DMRT2: variants seen among roughly 807,000 people sequenced by gnomAD.
The protein encoded by DMRT2 is doublesex and mab-3 related transcription factor 2.
Under a neutral mutation model 43.5 loss-of-function variants are expected in DMRT2, and 33 were observed. The ratio of observed to expected loss-of-function variants is 0.76; its 90% CI spans 0.58 to 1.01. The LOEUF (loss-of-function observed/expected upper bound fraction) is 1.01. DMRT2 is among the 50% of genes least tolerant of loss of function. DMRT2 has a pLI of 0.00. For missense variants in DMRT2, 1,064 were observed against 748.0 expected, an observed-to-expected ratio of 1.42 and a Z score of -4.93; for synonymous variants, 395 against 309.2, an observed-to-expected ratio of 1.28 and a Z score of -2.91.
intron 3 of DMRT2, among the ~76,000 whole-genome samples, chr9:1,054,889 A>G (rs1319508148): frequency 6.6e-6 from 1 of 151,944 alleles, no homozygotes; most frequent in African/African-American, 2.4e-5. Context: ...TCCTATAAAA[A>G]TTTTTAAGTA....
At chr9:1,053,867 A>G (rs769556450) in intron 3 of DMRT2, 43 bp downstream of exon 3, 1 of 1,487,882 alleles carries the variant, frequency 6.7e-7, no homozygotes, top group Non-Finnish European at 9.4e-7. Flanking sequence ...AACAGAGTTG[A>G]GTGACTCTCA....
rs376262081 is a variant in DMRT2 at position 1,056,579 on chromosome 9, C to G, written c.992C>G (p.Thr331Ser). The change falls in exon 4 of 4, where the codon ACT becomes AGT. Residue 331 changes from threonine (T) to serine (S), a missense_variant. By Grantham distance (58) the Thr-to-Ser change is moderately conservative. Transcript: ENST00000358146. ...LISSNVSVAT[T>S]YRQYPLSSRF... ...TCTTCTAATGTCAGCGTGGCCACAACTTATAGACAGTATCCCTTGTCCTCA... is the reference window on the plus strand; with the variant it reads ...TCTTCTAATGTCAGCGTGGCCACAAGTTATAGACAGTATCCCTTGTCCTCA... 1 of 1,614,090 alleles carries G rather than the reference C, an allele frequency of 6.2e-7. No homozygotes were observed. Among genetic ancestry groups the G allele is most frequent in the Non-Finnish European group, 8.5e-7 (1 of 1,180,052 alleles).
intron 3 of DMRT2, among the ~76,000 whole-genome samples, chr9:1,055,081 T>C (rs748699848): frequency 1.3e-5 from 2 of 152,166 alleles, no homozygotes; most frequent in Admixed American, 6.5e-5. Context: ...TAGGGCCACA[T>C]TGATAAACTG....
chr9:1,051,955 G>A lies in DMRT2; in HGVS notation c.342G>A (p.Pro114=). 3 of 1,393,934 alleles carry A rather than the reference G, an allele frequency of 2.2e-6. No individual in the cohort carries two copies. Among genetic ancestry groups the A allele is most frequent in the Non-Finnish European group, 2.8e-6 (3 of 1,080,706 alleles). The allele number at this position is 1,393,934 out of a possible 1,614,324, so 86.3% of individuals were successfully genotyped here. A position where few individuals can be genotyped will look rare whatever the true frequency, so the allele number is the denominator to read the frequency against. ...RCTPAGGGAE[P]RKLSRTPKCA... ...CTCCCGCGGGCGGCGGCGCGGAGCCGCGCAAGCTGAGCCGCACGCCCAAGT... is the reference window on the plus strand; with the variant it reads ...CTCCCGCGGGCGGCGGCGCGGAGCCACGCAAGCTGAGCCGCACGCCCAAGT... The change falls in exon 2 of 4, where the codon CCG becomes CCA. Residue 114 remains proline (P), a synonymous_variant. Coordinates refer to ENST00000358146, the MANE Select transcript of DMRT2 (RefSeq NM_181872.6). The surrounding 1 kb of genome is among the most constrained non-coding windows in gnomAD (Gnocchi z 5.9).
chr9:1,053,757 C>T lies in DMRT2; in HGVS notation c.561C>T (p.Phe187=). ...KKGLSGKQNN[F]ERKAVYQRQV... is the part of the protein sequence containing the mutation. ...GGCTTTCCGGGAAACAGAATAATTT[C>T]GAGCGCAAAGCTGTGTACCAGAGGC... Residue 187 remains phenylalanine, a synonymous_variant, in exon 3 of 4, where the codon TTC becomes TTT. Coordinates refer to ENST00000358146, the MANE Select transcript of DMRT2 (RefSeq NM_181872.6). 26 of 1,613,974 alleles carry T rather than the reference C, an allele frequency of 1.6e-5. No individual in the cohort carries two copies. The highest frequency in any genetic ancestry group is 2.1e-5 in the Non-Finnish European group (25 of 1,179,936).
rs181946776 is a variant in DMRT2, at chr9:1,050,530, C to G, written c.-290C>G. ...AGACCGAGCAGAACTTTGCAGAGTT[C>G]GGGATGTGCTGGGCTAGGTCGCTGA... On this transcript the variant is annotated 5_prime_UTR_variant, in exon 1 of 4. Transcript: ENST00000358146. 127 of 152,610 alleles carry G rather than the reference C, an allele frequency of 8.3e-4. No homozygotes were observed. In the Middle Eastern group the frequency reaches 0.017, roughly 20 times the overall value. The allele number at this position is 152,610 out of a possible 1,614,324, so 9.5% of individuals were successfully genotyped here.
rs777304682 is a variant in DMRT2 at position 1,057,322 on chromosome 9, T to C, written c.*49T>C. ...GATTTTCTGCAGTCTTAGAGCATTA[T>C]AGCCATTTGCTACTTTTTTTAAAAG... On this transcript the variant is annotated 3_prime_UTR_variant, in exon 4 of 4. Coordinates refer to ENST00000358146, the MANE Select transcript of DMRT2 (RefSeq NM_181872.6). The C allele has an allele frequency of 2.4e-5, 36 of 1,510,402 alleles. No individual in the cohort carries two copies. The highest frequency in any genetic ancestry group is 2.8e-5 in the Non-Finnish European group (32 of 1,130,810). The allele number at this position is 1,510,402 out of a possible 1,614,324, so 93.6% of individuals were successfully genotyped here.
intron 2 of DMRT2, chr9:1,052,949 GAC>G (rs1243502434): frequency 6.6e-6 from 1 of 152,344 alleles, no homozygotes; most frequent in Admixed American, 6.5e-5. Context: ...TGGATCGCCA[GAC>G]ACACTGAAGG....
rs375071878 is a variant in DMRT2, at chr9:1,056,701, C to T, written c.1114C>T (p.Pro372Ser). 5.0e-6 allele frequency: 8 copies of T among 1,614,026 alleles called. No homozygotes were observed. Among genetic ancestry groups the T allele is most frequent in the African/African-American group, 1.3e-5 (1 of 74,914 alleles). ...NATTSVQALK[P>S]GASWDLKGAR... The stretch of plus-strand genomic sequence containing the variant: ...CACCACCTCAGTTCAAGCCCTGAAG[C>T]CTGGGGCCAGCTGGGACTTGAAGGG... The change falls in exon 4 of 4, where the codon CCT becomes TCT. Residue 372 changes from proline (P) to serine (S), a missense_variant. Coordinates refer to ENST00000358146, the MANE Select transcript of DMRT2 (RefSeq NM_181872.6).
Position 1,056,731 on chromosome 9 carries a change from C to G in DMRT2, c.1144C>G (p.Arg382Gly), listed in dbSNP as rs760681935. Residue 382 changes from arginine (R) to glycine (G), a missense_variant, in exon 4 of 4, where the codon CGA (arginine) becomes GGA (glycine). By Grantham distance (125) the Arg-to-Gly change is moderately radical (BLOSUM62 -2). Transcript: ENST00000358146. ...GGCCAGCTGGGACTTGAAGGGAGCA[C>G]GAGTCCAGGATGGACTCAGTGCAGA... ...PGASWDLKGARVQDGLSAEQD... is the reference protein window; with the variant it reads ...PGASWDLKGAGVQDGLSAEQD... The G allele has an allele frequency of 6.2e-7, 1 of 1,614,084 alleles. No homozygotes were observed. The highest frequency in any genetic ancestry group is 1.3e-5 in the African/African-American group (1 of 75,022).
At position 1,056,286 on chromosome 9, in the gene DMRT2, G is replaced by A; in HGVS notation, c.699G>A (p.Arg233=). Residue 233 remains arginine, a synonymous_variant, in exon 4 of 4, where the codon AGG becomes AGA. Transcript: ENST00000358146. Reference sequence around the variant, plus strand: ...CTCTACCTCCCCCAGTTAGTGACAGGATGAGGAAAAGAAGAGCCTTTGCTG... The same window carrying A: ...CTCTACCTCCCCCAGTTAGTGACAGAATGAGGAAAAGAAGAGCCTTTGCTG... ...TFPLPPPVSD[R]MRKRRAFADK... 2 of 1,614,212 alleles carry A rather than the reference G, an allele frequency of 1.2e-6. No homozygotes were observed.
At position 1,057,353 on chromosome 9, in the gene DMRT2, A is replaced by G. The variant is rs1822079993; in HGVS notation, c.*80A>G. ...TTTGCTACTTTTTTTAAAAGTTAAG[A>G]TGTTTGTGTAAAGAAATTTCTAATG... On this transcript the variant is annotated 3_prime_UTR_variant, in exon 4 of 4. Coordinates refer to ENST00000358146, the MANE Select transcript of DMRT2 (RefSeq NM_181872.6). 1 of 1,448,082 alleles carries G rather than the reference A, an allele frequency of 6.9e-7. No individual in the cohort carries two copies. The highest frequency in any genetic ancestry group is 1.5e-5 in the South Asian group (1 of 68,666). The allele number at this position is 1,448,082 out of a possible 1,614,324, so 89.7% of individuals were successfully genotyped here. A position where few individuals can be genotyped will look rare whatever the true frequency, so the allele number is the denominator to read the frequency against.
intron 2 of DMRT2, 76 bp from the exon 3 acceptor site, chr9:1,053,646 C>G: frequency 7.3e-6 from 9 of 1,230,176 alleles, no homozygotes; most frequent in East Asian, 2.3e-5. Context: ...AGAAGATTTA[C>G]GGACATCCCG....
Position 1,056,444 on chromosome 9 carries a change from C to A in DMRT2, c.857C>A (p.Ala286Asp). The A allele has an allele frequency of 6.2e-7, 1 of 1,614,182 alleles. No homozygotes were observed. Among genetic ancestry groups the A allele is most frequent in the South Asian group, 1.1e-5 (1 of 91,082 alleles). ...PGPDYNSYKSAYSPSPVEPPS... is the reference protein window; with the variant it reads ...PGPDYNSYKSDYSPSPVEPPS... ...CCTGACTACAATTCCTACAAAAGTG[C>A]CTACAGCCCCAGCCCAGTGGAACCA... Residue 286 changes from alanine (A) to aspartate (D), a missense_variant, in exon 4 of 4, where the codon GCC (alanine) becomes GAC (aspartate). Coordinates refer to ENST00000358146, the MANE Select transcript of DMRT2 (RefSeq NM_181872.6).
At chr9:1,055,261 A>G (rs1251521922) in intron 3 of DMRT2, among the ~76,000 whole-genome samples, 1 of 152,352 alleles carries the variant, frequency 6.6e-6, no homozygotes, top group African/African-American at 2.4e-5. Context: ...CAAATATAAC[A>G]ATGGATGCTT....
chr9:1,056,666 T>G lies in DMRT2; in HGVS notation c.1079T>G (p.Leu360Arg). The G allele has an allele frequency of 1.2e-6, 2 of 1,614,196 alleles. No individual in the cohort carries two copies. Among genetic ancestry groups the G allele is most frequent in the South Asian group, 1.1e-5 (1 of 91,080 alleles). Residue 360 changes from leucine (L) to arginine (R), a missense_variant, in exon 4 of 4, where the codon CTG becomes CGG. By Grantham distance (102) the Leu-to-Arg change is moderately radical (BLOSUM62 -2). Coordinates refer to ENST00000358146, the MANE Select transcript of DMRT2 (RefSeq NM_181872.6). ...GACACCCTCCTCTACCAGCAATGCC[T>G]GCTAAATGCCACCACCTCAGTTCAA... Reference protein sequence around the residue: ...ISDTLLYQQCLLNATTSVQAL... With the variant: ...ISDTLLYQQCRLNATTSVQAL...
At position 1,051,715 on chromosome 9, in the gene DMRT2, C is replaced by T. The variant is rs1442344957; in HGVS notation, c.102C>T (p.Pro34=). 2 of 1,543,598 alleles carry T rather than the reference C, an allele frequency of 1.3e-6. No individual in the cohort carries two copies. Among genetic ancestry groups the T allele is most frequent in the East Asian group, 2.5e-5 (1 of 40,016 alleles). Residue 34 remains proline, a synonymous_variant, in exon 2 of 4, where the codon CCC becomes CCT. Transcript: ENST00000358146. This position sits in a 1 kb window ranked among gnomAD's most constrained non-coding sequence, Gnocchi z 5.9. The part of the protein sequence containing the change: ...EDVCGAPRST[P]PGPSPPPADG... ...TCTGCGGGGCGCCGCGGTCCACGCC[C>T]CCCGGGCCCAGCCCGCCGCCGGCGG...
rs756745369 is a variant in DMRT2 at position 1,056,769 on chromosome 9, G to A, written c.1182G>A (p.Met394Ile). The change falls in exon 4 of 4, where the codon ATG (methionine) becomes ATA (isoleucine). Residue 394 changes from methionine (M) to isoleucine (I), a missense_variant. Coordinates refer to ENST00000358146, the MANE Select transcript of DMRT2 (RefSeq NM_181872.6). Reference sequence around the variant, plus strand: ...GACTCAGTGCAGAGCAGGACATGATGCCATCGAAATTGGAAGGTTCCCTGG... The same window carrying A: ...GACTCAGTGCAGAGCAGGACATGATACCATCGAAATTGGAAGGTTCCCTGG... ...QDGLSAEQDM[M>I]PSKLEGSLVL... 4.3e-6 allele frequency: 7 copies of A among 1,614,098 alleles called. No individual in the cohort carries two copies. The highest frequency in any genetic ancestry group is 5.9e-6 in the Non-Finnish European group (7 of 1,180,020).
Position 1,053,747 on chromosome 9 carries a change from A to G in DMRT2, c.551A>G (p.Gln184Arg), listed in dbSNP as rs528392769. The part of the protein sequence containing the change: ...TEDKKGLSGK[Q>R]NNFERKAVYQ... ...GACAAGAAGGGGCTTTCCGGGAAACAGAATAATTTCGAGCGCAAAGCTGTG... is the reference window on the plus strand; with the variant it reads ...GACAAGAAGGGGCTTTCCGGGAAACGGAATAATTTCGAGCGCAAAGCTGTG... Residue 184 changes from glutamine (Q) to arginine (R), a missense_variant, in exon 3 of 4, where the codon CAG becomes CGG. Transcript: ENST00000358146. 1.2e-6 allele frequency: 2 copies of G among 1,614,062 alleles called. No homozygotes were observed. Among genetic ancestry groups the G allele is most frequent in the African/African-American group, 2.7e-5 (2 of 75,026 alleles).
Sources: allele counts gnomAD v4.1 joint callset (sites outside exome capture counted in the v4.1 genomes callset), GRCh38; gene constraint gnomAD v4.1.1; non-coding constraint Gnocchi (gnomAD v3.1); transcripts MANE v1.5; gene names NCBI Gene and HGNC (gene_info 2026-07-23, HGNC 2026-07-21).